Variants in GRM3 observed in about 807,000 individuals in gnomAD.
The protein encoded by GRM3 is glutamate metabotropic receptor 3.
Under a neutral mutation model 70.5 loss-of-function variants are expected in GRM3, and 26 were observed. The ratio of observed to expected loss-of-function variants is 0.37; its 90% CI spans 0.27 to 0.51. The LOEUF (loss-of-function observed/expected upper bound fraction) is 0.51, where lower values mean the gene tolerates loss of function less well. Ranked by LOEUF, GRM3 falls within the 20% of genes least tolerant of loss-of-function variation. The pLI is 0.93. For missense variants in GRM3, 859 were observed against 1,123.8 expected (o/e 0.76, Z 3.37); for synonymous variants, 443 against 434.9 (o/e 1.02, Z -0.23).
intron 1 of GRM3, among the ~76,000 whole-genome samples, chr7:86,683,187 A>G (rs1403418778): frequency 1.3e-5 from 2 of 152,196 alleles, no homozygotes; most frequent in Non-Finnish European, 1.5e-5. Flanking sequence ...CTCCTTGACT[A>G]TGACAGAACT....
At chr7:86,649,698 C>T (rs1793561227) in intron 1 of GRM3, among the ~76,000 whole-genome samples, 1 of 151,730 alleles carries the variant, frequency 6.6e-6, no homozygotes, top group African/African-American at 2.4e-5. Flanking sequence ...AAAAAACTTA[C>T]AACCTATATA....
chr7:86,717,626 G>A (rs1247921396), intron 1 of GRM3, among the ~76,000 whole-genome samples: 1 of 151,946 alleles, frequency 6.6e-6, no homozygotes, highest in African/African-American at 2.4e-5. Flanking sequence ...GCAGATGGTA[G>A]CATGTGGTTA....
intron 1 of GRM3, among the ~76,000 whole-genome samples, chr7:86,689,185 A>C (rs1198025613): frequency 6.6e-6 from 1 of 151,734 alleles, no homozygotes; most frequent in East Asian, 1.9e-4. Context: ...AATAAAATAT[A>C]AAATTAAAAT....
chr7:86,708,434 T>G (rs971456495), intron 1 of GRM3, among the ~76,000 whole-genome samples: 1 of 152,160 alleles, frequency 6.6e-6, no homozygotes, highest in Non-Finnish European at 1.5e-5. Flanking sequence ...TATCCATGAA[T>G]GTCTTCACAG....
intron 1 of GRM3, among the ~76,000 whole-genome samples, chr7:86,742,666 A>G (rs1796015819): frequency 6.6e-6 from 1 of 152,124 alleles, no homozygotes; most frequent in Admixed American, 6.6e-5. Context: ...TAGGTAGGAA[A>G]TTGAGCCATT....
intron 1 of GRM3, among the ~76,000 whole-genome samples, chr7:86,655,351 G>A (rs1303806141): frequency 1.3e-5 from 2 of 152,142 alleles, no homozygotes; most frequent in East Asian, 1.9e-4. Flanking sequence ...GGTCCTTACT[G>A]TAGGTAGGCC....
intron 2 of GRM3, among the ~76,000 whole-genome samples, chr7:86,781,324 C>T (rs909549930): frequency 6.6e-6 from 1 of 152,158 alleles, no homozygotes; most frequent in Non-Finnish European, 1.5e-5. Flanking sequence ...TTGTTCACTT[C>T]TGAGGAATTC....
chr7:86,723,360 T>C (rs1795518861), intron 1 of GRM3, among the ~76,000 whole-genome samples: 1 of 152,186 alleles, frequency 6.6e-6, no homozygotes, highest in Non-Finnish European at 1.5e-5. Context: ...GATATTCTTC[T>C]AGTACATAGA....
At chr7:86,679,079 T>C (rs1794378310) in intron 1 of GRM3, among the ~76,000 whole-genome samples, 1 of 152,090 alleles carries the variant, frequency 6.6e-6, no homozygotes, top group Admixed American at 6.6e-5. Context: ...ATCGTATTGA[T>C]TAATATGTCA....
At chr7:86,658,369 CTTG>C (rs1396742134) in intron 1 of GRM3, among the ~76,000 whole-genome samples, 4 of 152,202 alleles carry the variant, frequency 2.6e-5, no homozygotes, top group East Asian at 1.9e-4. Flanking sequence ...TGCCCTTACA[CTTG>C]TTGTTCCATC....
intron 3 of GRM3, among the ~76,000 whole-genome samples, chr7:86,824,015 T>C (rs1015559961): frequency 2.6e-5 from 4 of 152,142 alleles, no homozygotes; most frequent in African/African-American, 9.7e-5. Flanking sequence ...CAAGACCCAC[T>C]CAGTCTGTAT....
chr7:86,764,151 A>G (rs1796545650), intron 1 of GRM3, among the ~76,000 whole-genome samples: 1 of 152,128 alleles, frequency 6.6e-6, no homozygotes, highest in African/African-American at 2.4e-5. Flanking sequence ...TTTAACAGGC[A>G]GTTGACCTAA....
intron 1 of GRM3, among the ~76,000 whole-genome samples, chr7:86,740,408 C>A (rs1397280636): frequency 1.3e-5 from 2 of 151,968 alleles, no homozygotes; most frequent in East Asian, 1.9e-4. Context: ...AAGCAATACT[C>A]CCTTGATTCA....
chr7:86,795,853 A>G (rs1413274111), intron 3 of GRM3, among the ~76,000 whole-genome samples: 1 of 152,210 alleles, frequency 6.6e-6, no homozygotes, highest in Non-Finnish European at 1.5e-5. Context: ...TCTAATTTAC[A>G]TTCCCACCAA....
At chr7:86,688,529 A>C (rs1005187451) in intron 1 of GRM3, among the ~76,000 whole-genome samples, 3 of 151,628 alleles carry the variant, frequency 2.0e-5, no homozygotes. Context: ...AGTCATATAC[A>C]AATCTACAAT....
chr7:86,794,289 A>G (rs1797496346), intron 3 of GRM3, among the ~76,000 whole-genome samples: 1 of 152,174 alleles, frequency 6.6e-6, no homozygotes, highest in African/African-American at 2.4e-5. Context: ...AGAAGCCAAC[A>G]TACATAAAGG....
intron 2 of GRM3, among the ~76,000 whole-genome samples, chr7:86,769,793 A>G (rs1796693916): frequency 6.6e-6 from 1 of 152,146 alleles, no homozygotes; most frequent in Non-Finnish European, 1.5e-5. Flanking sequence ...CTTTTATAAA[A>G]CAACAGTATT....
chr7:86,744,816 T>C (rs1436251487), intron 1 of GRM3, among the ~76,000 whole-genome samples: 1 of 152,082 alleles, frequency 6.6e-6, no homozygotes, highest in African/African-American at 2.4e-5. Flanking sequence ...TGGAATATGA[T>C]ATGCCTGCCT....
chr7:86,755,545 A>G (rs1011734927), intron 1 of GRM3, among the ~76,000 whole-genome samples: 3 of 152,172 alleles, frequency 2.0e-5, no homozygotes, highest in South Asian at 2.1e-4. Flanking sequence ...AGAAATGCTC[A>G]AAGGGCTTGG....
Sources: allele counts gnomAD v4.1 joint callset (sites outside exome capture counted in the v4.1 genomes callset), GRCh38; gene constraint gnomAD v4.1.1; transcripts MANE v1.5; gene names NCBI Gene and HGNC (gene_info 2026-07-23, HGNC 2026-07-21).